Variants in NMBR observed in about 807,000 individuals in gnomAD.
The protein encoded by NMBR is neuromedin B receptor, also known as neuromedin-B receptor.
Under a neutral mutation model 20.5 loss-of-function variants are expected in NMBR, and 16 were observed. The observed-to-expected ratio is 0.78, with a 90% confidence interval of 0.53 to 1.19. NMBR has a LOEUF of 1.19. NMBR is among the 50% of genes most tolerant of loss of function. NMBR has a pLI of 0.00. For synonymous variants in NMBR, 212 were observed against 196.6 expected, an observed-to-expected ratio of 1.08 and a Z score of -0.65; for missense variants, 582 against 499.1, an observed-to-expected ratio of 1.17 and a Z score of -1.58.
intron 1 of NMBR, among the ~76,000 whole-genome samples, chr6:142,144,275 T>C (rs1456584481): frequency 2.0e-5 from 3 of 152,228 alleles, no homozygotes; most frequent in Non-Finnish European, 4.4e-5. Flanking sequence ...GATACAGCTA[T>C]AGATATATAT....
At chr6:142,134,735 C>A in intron 1 of NMBR, 1 of 691,784 alleles carries the variant, frequency 1.4e-6, no homozygotes, top group Non-Finnish European at 2.6e-6. Flanking sequence ...CAAGTAAAAT[C>A]TCTTTACCTG....
Position 142,088,086 on chromosome 6 carries a change from A to G in NMBR, c.422+151T>C, listed in dbSNP as rs1274991510. 1.5e-5 allele frequency: 10 copies of G among 679,676 alleles called. No homozygotes were observed. The East Asian group carries it at 1.9e-4, about 13-fold the overall frequency. The allele number at this position is 679,676 out of a possible 1,614,324, so 42.1% of individuals were successfully genotyped here. A position where few individuals can be genotyped will look rare whatever the true frequency, so the allele number is the denominator to read the frequency against. On this transcript the variant is annotated intron_variant, in intron 2 of 3. Coordinates refer to ENST00000258042, the MANE Select transcript of NMBR (RefSeq NM_002511.4). ...AGTCCGTTTTAACTCTGTTTACTCT[A>G]CTTCCCAGGTACACACTCTCTCCCT... is the stretch of plus-strand genomic sequence containing the variant.
chr6:142,078,798 A>T lies in NMBR; in HGVS notation c.528T>A (p.Val176=), dbSNP rs375641203. 7 of 1,613,784 alleles carry T rather than the reference A, an allele frequency of 4.3e-6. No individual in the cohort carries two copies. The highest frequency in any genetic ancestry group is 5.9e-6 in the Non-Finnish European group (7 of 1,179,998). ...GIWVVSVLLA[V]PEAVFSEVAR... is the part of the protein sequence containing the mutation. Reference sequence around the variant, plus strand: ...CCACTTCTGAAAACACCGCTTCGGGAACTGCCAGCAACACGGAGACCACCC... The same window carrying T: ...CCACTTCTGAAAACACCGCTTCGGGTACTGCCAGCAACACGGAGACCACCC... Residue 176 remains valine (V), a synonymous_variant, in exon 3 of 4, where the codon GTT becomes GTA. Transcript: ENST00000258042.
At chr6:142,095,573 T>A (rs1443205865) in intron 1 of NMBR, among the ~76,000 whole-genome samples, 1 of 152,182 alleles carries the variant, frequency 6.6e-6, no homozygotes, top group Non-Finnish European at 1.5e-5. Context: ...CATTGAGGAT[T>A]TTTGCATTGA....
chr6:142,108,120 G>C (rs1235155554), intron 1 of NMBR, among the ~76,000 whole-genome samples: 1 of 152,080 alleles, frequency 6.6e-6, no homozygotes, highest in African/African-American at 2.4e-5. Flanking sequence ...TATGCATAAT[G>C]AAAGTAACAG....
At chr6:142,081,083 G>GATTC (rs1441083955) in intron 2 of NMBR, among the ~76,000 whole-genome samples, 1 of 152,166 alleles carries the variant, frequency 6.6e-6, no homozygotes, top group Non-Finnish European at 1.5e-5. Context: ...AGTGTCTGGT[G>GATTC]AGAGTCCCCC....
intron 1 of NMBR, among the ~76,000 whole-genome samples, chr6:142,098,856 T>A (rs1394857980): frequency 6.6e-6 from 1 of 152,110 alleles, no homozygotes; most frequent in Non-Finnish European, 1.5e-5. Flanking sequence ...GTCAACACAA[T>A]TTTGAAGGAG....
chr6:142,142,663 A>G (rs1359068788), intron 1 of NMBR, among the ~76,000 whole-genome samples: 1 of 151,742 alleles, frequency 6.6e-6, no homozygotes, highest in African/African-American at 2.4e-5. Flanking sequence ...CAAAATAAAC[A>G]TATATATATA....
In NMBR at chr6:142,089,233, A is replaced by T. The variant is rs1360723550; in HGVS notation, c.-575T>A. The T allele has an allele frequency of 1.3e-5, 2 of 152,256 alleles. No homozygotes were observed. The highest frequency in any genetic ancestry group is 2.4e-5 in the African/African-American group (1 of 41,392). The allele number at this position is 152,256 out of a possible 1,614,324, so 9.4% of individuals were successfully genotyped here. A position where few individuals can be genotyped will look rare whatever the true frequency, so the allele number is the denominator to read the frequency against. On this transcript the variant is annotated 5_prime_UTR_variant, in exon 2 of 4. The change abolishes an upstream ATG in the 5' untranslated region. Transcript: ENST00000258042. ...TGTGTGTGTGCCCCTATATACATCC[A>T]TCCTTACCCGCCTCCAAGCAGGAGG...
intron 1 of NMBR, among the ~76,000 whole-genome samples, chr6:142,090,739 T>C (rs951314910): frequency 2.0e-5 from 3 of 151,738 alleles, no homozygotes; most frequent in Admixed American, 1.3e-4. Flanking sequence ...CATCCAATAT[T>C]ACTATACAGA....
chr6:142,138,135 T>A (rs990358438), intron 1 of NMBR, among the ~76,000 whole-genome samples: 1 of 152,184 alleles, frequency 6.6e-6, no homozygotes, highest in African/African-American at 2.4e-5. Context: ...TTTCTTTTTA[T>A]CTGCCTGCCT....
At chr6:142,078,955 GAGAA>G (rs1777021230) in intron 2 of NMBR, 52 bp from the exon 3 acceptor site, 1 of 1,182,966 alleles carries the variant, frequency 8.5e-7, no homozygotes. Context: ...AAAGAAAAAA[GAGAA>G]AGAAAAGAAA....
chr6:142,133,113 G>C, intron 1 of NMBR: 1 of 636,992 alleles, frequency 1.6e-6, no homozygotes, highest in Non-Finnish European at 2.8e-6. Context: ...GGCAATGTGG[G>C]TCAAGAATTA....
At chr6:142,129,201 C>T (rs991243044) in intron 1 of NMBR, among the ~76,000 whole-genome samples, 7 of 151,914 alleles carry the variant, frequency 4.6e-5, no homozygotes, top group African/African-American at 1.7e-4. Flanking sequence ...TTATACATTA[C>T]TCCCAGGGTT....
intron 1 of NMBR, among the ~76,000 whole-genome samples, chr6:142,126,348 T>C (rs1778038206): frequency 6.6e-6 from 1 of 151,826 alleles, no homozygotes; most frequent in Non-Finnish European, 1.5e-5. Flanking sequence ...TTGGCTATTG[T>C]TGAATCAGGC....
At chr6:142,097,212 A>G (rs1777471243) in intron 1 of NMBR, among the ~76,000 whole-genome samples, 1 of 152,060 alleles carries the variant, frequency 6.6e-6, no homozygotes, top group Non-Finnish European at 1.5e-5. Context: ...TGATCCTGTC[A>G]TTATGATGTT....
In NMBR at chr6:142,074,530, G is replaced by T. The variant is rs1776890381; in HGVS notation, c.*1118C>A. 6.6e-6 allele frequency among the ~76,000 whole-genome samples: 1 copy of T among 152,026 alleles called. No individual in the cohort carries two copies. The highest frequency in any genetic ancestry group is 2.4e-5 in the African/African-American group (1 of 41,394). On this transcript the variant is annotated 3_prime_UTR_variant, in exon 4 of 4. Transcript: ENST00000258042. ...TTGATACATGCTTTTAAAAATGGTA[G>T]CTTTTAAACTGTAATCAATACATTT...
chr6:142,086,721 T>C (rs1301478328), intron 2 of NMBR, among the ~76,000 whole-genome samples: 1 of 152,186 alleles, frequency 6.6e-6, no homozygotes, highest in African/African-American at 2.4e-5. Context: ...GGATTATTAT[T>C]TTCTCTGATC....
Position 142,114,901 on chromosome 6 carries a change from T to A in NMBR, c.-663-25580A>T, listed in dbSNP as rs112815310. ...ATTCCCATTTTACAGATGACAAAAC[T>A]AAATCTAGAGCAGTAAAATAATATT... On this transcript the variant is annotated intron_variant, in intron 1 of 3. Coordinates refer to ENST00000258042, the MANE Select transcript of NMBR (RefSeq NM_002511.4). Among the ~76,000 whole-genome samples, 1,213 of 152,086 alleles carry A rather than the reference T, an allele frequency of 8.0e-3. 17 individuals carry two copies. Among genetic ancestry groups the A allele is most frequent in the African/African-American group, 0.027 (1,133 of 41,488 alleles).
Sources: allele counts gnomAD v4.1 joint callset (sites outside exome capture counted in the v4.1 genomes callset), GRCh38; gene constraint gnomAD v4.1.1; transcripts MANE v1.5; gene names NCBI Gene and HGNC (gene_info 2026-07-23, HGNC 2026-07-21).